Variants in TDRD9 observed in about 807,000 individuals in gnomAD.
The protein encoded by TDRD9 is tudor domain containing 9, also known as ATP-dependent RNA helicase TDRD9.
In TDRD9, 124 loss-of-function variants were observed where a neutral mutation model predicts 172.6. The observed-to-expected ratio is 0.72, with a 90% CI of 0.62 to 0.83. TDRD9 has a LOEUF of 0.83. Ranked by LOEUF, TDRD9 falls within the 40% of genes least tolerant of loss-of-function variation. The pLI is 0.00. For synonymous variants in TDRD9, 619 were observed against 617.1 expected (o/e 1.00, Z -0.05); for missense variants, 1,479 against 1,714.1 (o/e 0.86, Z 2.42).
intron 11 of TDRD9, among the ~76,000 whole-genome samples, chr14:103,994,954 A>G (rs80032934): frequency 2.3e-5 from 1 of 44,000 alleles, no homozygotes; most frequent in African/African-American, 4.3e-5. Context: ...GTCTCAAAAC[A>G]AAAAAAAAAA....
chr14:103,995,404 G>A (rs141804158), intron 11 of TDRD9, among the ~76,000 whole-genome samples: 8 of 152,296 alleles, frequency 5.3e-5, no homozygotes, highest in African/African-American at 1.9e-4. Context: ...GGCAAGTACA[G>A]GCAACAACCC....
intron 24 of TDRD9, among the ~76,000 whole-genome samples, chr14:104,023,423 G>C (rs1040843668): frequency 6.6e-6 from 1 of 152,190 alleles, no homozygotes; most frequent in African/African-American, 2.4e-5. Flanking sequence ...GATGCAGCTG[G>C]GAGCACCTAG....
Position 104,007,241 on chromosome 14 carries a change from G to A in TDRD9, c.2052+37G>A. 3.7e-6 allele frequency: 6 copies of A among 1,601,626 alleles called. 1 individual carries two copies. The East Asian group carries it at 1.3e-4, about 36-fold the overall frequency. ...CTTTCCTGCTGCTTTCTAGATGGCT[G>A]GGAGTAATGAGAGAAGGACTCTGTC... On this transcript the variant is annotated intron_variant, in intron 19 of 35. Coordinates refer to ENST00000409874, the MANE Select transcript of TDRD9 (RefSeq NM_153046.3).
At chr14:103,961,915 A>T (rs1221448758) in intron 2 of TDRD9, among the ~76,000 whole-genome samples, 1 of 152,230 alleles carries the variant, frequency 6.6e-6, no homozygotes, top group Non-Finnish European at 1.5e-5. Flanking sequence ...GCTGGTCAGA[A>T]ACAAGGGGCT....
intron 14 of TDRD9, 138 bp downstream of exon 14, chr14:104,004,473 G>C: frequency 2.1e-6 from 1 of 476,802 alleles, no homozygotes; most frequent in Non-Finnish European, 3.8e-6. Flanking sequence ...CTGCCTCCCG[G>C]GTTTACGCGA....
chr14:104,004,411 T>A, intron 14 of TDRD9, 76 bp downstream of exon 14: 2 of 840,724 alleles, frequency 2.4e-6, no homozygotes, highest in Non-Finnish European at 1.9e-6. Flanking sequence ...GACGGAGTCT[T>A]GCACTGTTGT....
intron 9 of TDRD9, among the ~76,000 whole-genome samples, chr14:103,991,732 G>T (rs899820339): frequency 1.3e-5 from 2 of 149,906 alleles, no homozygotes; most frequent in African/African-American, 2.4e-5. Context: ...TTCTAAAAAA[G>T]ATTTCTTATT....
intron 12 of TDRD9, among the ~76,000 whole-genome samples, 152 bp from the exon 13 acceptor site, chr14:103,998,472 C>T (rs10142229): frequency 0.056 from 8,574 of 152,164 alleles, 408 homozygotes; most frequent in Admixed American, 0.16. Flanking sequence ...CCATCCTGGG[C>T]GGGAGTGGTC....
chr14:104,042,603 C>T (rs1031649438), intron 34 of TDRD9, among the ~76,000 whole-genome samples: 1 of 152,220 alleles, frequency 6.6e-6, no homozygotes, highest in Non-Finnish European at 1.5e-5. Flanking sequence ...TCCTGCTGGA[C>T]TCTCCATGGG....
intron 1 of TDRD9, among the ~76,000 whole-genome samples, chr14:103,944,150 G>A (rs940885075): frequency 1.4e-5 from 2 of 145,736 alleles, no homozygotes; most frequent in African/African-American, 2.4e-5. Flanking sequence ...CCAAATTTCT[G>A]TTCAAGGCCC....
chr14:103,928,804 T>G, intron 1 of TDRD9, 80 bp downstream of exon 1: 1 of 418,008 alleles, frequency 2.4e-6, no homozygotes, highest in African/African-American at 2.1e-5. Context: ...ATCCAGATCC[T>G]TCTCGCGAGC....
intron 5 of TDRD9, among the ~76,000 whole-genome samples, chr14:103,969,578 A>C (rs2032929067): frequency 6.6e-6 from 1 of 152,200 alleles, no homozygotes; most frequent in Non-Finnish European, 1.5e-5. Context: ...TGGGAAGTTC[A>C]GAAGATAGTA....
chr14:103,997,144 A>C lies in TDRD9; in HGVS notation c.1378+1337A>C, dbSNP rs2034086321. On this transcript the variant is annotated intron_variant, in intron 12 of 35. Transcript: ENST00000409874. The surrounding 1 kb of genome is among the most constrained non-coding windows in gnomAD (Gnocchi z 5.1). Reference sequence around the variant, plus strand: ...TCGTTGGTAGGTTTTGAAAACAGAAATGACATAACCTGAAGTTCACTTAAC... The same window carrying C: ...TCGTTGGTAGGTTTTGAAAACAGAACTGACATAACCTGAAGTTCACTTAAC... Among the ~76,000 whole-genome samples the C allele has an allele frequency of 6.6e-6, 1 of 152,200 alleles. No homozygotes were observed. The highest frequency in any genetic ancestry group is 2.4e-5 in the African/African-American group (1 of 41,434).
In TDRD9 at chr14:104,025,559, T is replaced by G. The variant is rs372923737; in HGVS notation, c.2719-5T>G. 1.5e-5 allele frequency: 24 copies of G among 1,613,054 alleles called. No individual in the cohort carries two copies. Among genetic ancestry groups the G allele is most frequent in the East Asian group, 8.9e-5 (4 of 44,886 alleles). ...TTCATCTCTTCTCCTCCTCTTCCTT[T>G]TTAGGTGGTTGAAGTGGGACACTTT... On this transcript the variant is annotated splice_polypyrimidine_tract_variant and splice_region_variant and intron_variant, in intron 25 of 35. Transcript: ENST00000409874.
chr14:103,967,371 AAAG>A (rs1307188787), intron 5 of TDRD9, among the ~76,000 whole-genome samples: 1 of 150,602 alleles, frequency 6.6e-6, no homozygotes, highest in Non-Finnish European at 1.5e-5. Flanking sequence ...AAAAAAAAAA[AAAG>A]ATTAGCTGGG....
At chr14:104,012,968 A>G (rs2034661299) in intron 20 of TDRD9, among the ~76,000 whole-genome samples, 1 of 152,078 alleles carries the variant, frequency 6.6e-6, no homozygotes, top group African/African-American at 2.4e-5. Context: ...AGAGTGGCAT[A>G]GTCTTGGTTT....
In TDRD9 at chr14:103,978,000, G is replaced by A. The variant is rs182979161; in HGVS notation, c.1011+2447G>A. Among the ~76,000 whole-genome samples, 11 of 152,156 alleles carry A rather than the reference G, an allele frequency of 7.2e-5. No individual in the cohort carries two copies. The East Asian group carries it at 1.9e-3, about 27-fold the overall frequency. On this transcript the variant is annotated intron_variant, in intron 7 of 35. Coordinates refer to ENST00000409874, the MANE Select transcript of TDRD9 (RefSeq NM_153046.3). ...TGTAAATATGTTATTTTATTTCTGG[G>A]TTCTTTATTCTGTTCCATTGATCAT...
chr14:103,951,930 CTAATTTTTTT>C (rs1208318519), intron 1 of TDRD9, among the ~76,000 whole-genome samples: 1 of 151,234 alleles, frequency 6.6e-6, no homozygotes, highest in East Asian at 2.0e-4. Context: ...CCATGCCAGG[CTAATTTTTTT>C]TGTATTTTTA....
chr14:103,984,213 G>C (rs1321754216), intron 7 of TDRD9, among the ~76,000 whole-genome samples: 1 of 152,198 alleles, frequency 6.6e-6, no homozygotes, highest in African/African-American at 2.4e-5. Flanking sequence ...CTGAGGAGAA[G>C]TTCAAGTCAG....
Sources: allele counts gnomAD v4.1 joint callset (sites outside exome capture counted in the v4.1 genomes callset), GRCh38; gene constraint gnomAD v4.1.1; non-coding constraint Gnocchi (gnomAD v3.1); transcripts MANE v1.5; gene names NCBI Gene and HGNC (gene_info 2026-07-23, HGNC 2026-07-21).